The following MVB12B variants were observed in gnomAD, a reference collection of about 807,000 sequenced individuals.
The protein encoded by MVB12B is ESCRT-I complex subunit MVB12B.
A neutral mutation model predicts 41.6 loss-of-function variants in MVB12B; 16 were observed. The ratio of observed to expected loss-of-function variants is 0.38; its 90% CI spans 0.26 to 0.58. The LOEUF is 0.58. MVB12B is among the 20% of genes least tolerant of loss of function. The pLI, the probability that MVB12B is intolerant of heterozygous loss-of-function variation, is 0.62. For synonymous variants in MVB12B, 133 were observed against 139.7 expected (o/e 0.95, Z 0.34); for missense variants, 274 against 380.2 (o/e 0.72, Z 2.32).
chr9:126,374,386 G>C (rs1830423312), intron 2 of MVB12B, among the ~76,000 whole-genome samples: 1 of 152,228 alleles, frequency 6.6e-6, no homozygotes. Flanking sequence ...ATGCCTTACA[G>C]GCCAGCCTCA....
rs1481826659 is a variant in MVB12B, at chr9:126,386,207, C to T, written c.313-355C>T. ...CTCAGGAATTTGCTCTTCCTAAAACCTCCTGGCCTTGAGATCTGATGCTCA... is the reference window on the plus strand; with the variant it reads ...CTCAGGAATTTGCTCTTCCTAAAACTTCCTGGCCTTGAGATCTGATGCTCA... On this transcript the variant is annotated intron_variant, in intron 3 of 9. Transcript: ENST00000361171. The surrounding 1 kb of genome is among the most constrained non-coding windows in gnomAD (Gnocchi z 4.3). Among the ~76,000 whole-genome samples the T allele has an allele frequency of 2.0e-5, 3 of 152,154 alleles. No homozygotes were observed. Among genetic ancestry groups the T allele is most frequent in the Non-Finnish European group, 4.4e-5 (3 of 68,024 alleles).
chr9:126,446,431 G>A (rs1832768042), intron 7 of MVB12B, among the ~76,000 whole-genome samples: 4 of 146,906 alleles, frequency 2.7e-5, no homozygotes, highest in Admixed American at 7.0e-5. Flanking sequence ...TGTAATTTTT[G>A]TGTGATCTAA....
intron 6 of MVB12B, among the ~76,000 whole-genome samples, chr9:126,411,550 G>T (rs978814789): frequency 6.6e-6 from 1 of 152,180 alleles, no homozygotes; most frequent in Non-Finnish European, 1.5e-5. Flanking sequence ...GGCATAGAAG[G>T]TTTATAAGAT....
intron 2 of MVB12B, among the ~76,000 whole-genome samples, chr9:126,361,370 G>T (rs1017050887): frequency 5.9e-5 from 9 of 152,018 alleles, no homozygotes; most frequent in African/African-American, 2.2e-4. Context: ...TTGTGCTATT[G>T]TTGGCATACA....
intron 7 of MVB12B, among the ~76,000 whole-genome samples, chr9:126,458,853 G>T (rs549128110): frequency 1.3e-5 from 2 of 152,330 alleles, no homozygotes; most frequent in East Asian, 3.9e-4. Flanking sequence ...GTGTTCCTTA[G>T]CTTCAAAATA....
intron 6 of MVB12B, among the ~76,000 whole-genome samples, chr9:126,418,652 A>C (rs1032841669): frequency 5.9e-5 from 9 of 152,200 alleles, no homozygotes; most frequent in African/African-American, 1.2e-4. Flanking sequence ...GCTGGGCTCC[A>C]CGTGGCCTGG....
chr9:126,425,981 T>C (rs1832166099), intron 7 of MVB12B, among the ~76,000 whole-genome samples: 1 of 152,244 alleles, frequency 6.6e-6, no homozygotes, highest in Non-Finnish European at 1.5e-5. Context: ...TATTTTTAAA[T>C]AGTTGGACAA....
chr9:126,401,512 C>A (rs1419356080), intron 6 of MVB12B, among the ~76,000 whole-genome samples: 39 of 152,246 alleles, frequency 2.6e-4, no homozygotes. Context: ...CTCAGGGACA[C>A]CAGGATTCAG....
intron 9 of MVB12B, among the ~76,000 whole-genome samples, chr9:126,487,571 C>T (rs1490470531): frequency 6.6e-6 from 1 of 152,136 alleles, no homozygotes; most frequent in Non-Finnish European, 1.5e-5. Context: ...ACCAGCCTGG[C>T]CAACATGGTA....
chr9:126,372,845 G>T (rs1404236804), intron 2 of MVB12B, among the ~76,000 whole-genome samples: 3 of 152,164 alleles, frequency 2.0e-5, no homozygotes, highest in African/African-American at 7.2e-5. Flanking sequence ...TTTCAGCCAG[G>T]CCCTAAATAA....
chr9:126,472,856 G>A (rs984840084), intron 7 of MVB12B, among the ~76,000 whole-genome samples: 1 of 152,168 alleles, frequency 6.6e-6, no homozygotes, highest in East Asian at 1.9e-4. Flanking sequence ...CGTTTGTTTA[G>A]GAGAATGCTA....
At chr9:126,408,698 C>A (rs1831522925) in intron 6 of MVB12B, among the ~76,000 whole-genome samples, 1 of 152,028 alleles carries the variant, frequency 6.6e-6, no homozygotes, top group South Asian at 2.1e-4. Context: ...GTGCACTCAG[C>A]CCTTGGCCGT....
chr9:126,432,287 C>T (rs892903985), intron 7 of MVB12B, among the ~76,000 whole-genome samples: 8 of 152,194 alleles, frequency 5.3e-5, no homozygotes, highest in African/African-American at 1.9e-4. Flanking sequence ...AAGGGAACCC[C>T]CTTGAGCCCA....
intron 1 of MVB12B, among the ~76,000 whole-genome samples, chr9:126,339,430 A>C (rs1446644704): frequency 2.0e-5 from 3 of 152,122 alleles, no homozygotes; most frequent in Non-Finnish European, 4.4e-5. Context: ...TTGTCCTTTT[A>C]AAAGTACTTA....
chr9:126,460,647 G>C (rs1833070520), intron 7 of MVB12B, among the ~76,000 whole-genome samples: 1 of 152,084 alleles, frequency 6.6e-6, no homozygotes, highest in South Asian at 2.1e-4. Flanking sequence ...AGGGCCAAAG[G>C]GTGGATTTAG....
At chr9:126,435,239 A>G (rs1453951921) in intron 7 of MVB12B, among the ~76,000 whole-genome samples, 1 of 152,190 alleles carries the variant, frequency 6.6e-6, no homozygotes, top group African/African-American at 2.4e-5. Flanking sequence ...ATTGCTGCTT[A>G]TTATACCAGA....
chr9:126,330,629 AT>A lies in MVB12B; in HGVS notation c.81+3621del, dbSNP rs1454159483. On this transcript the variant is annotated intron_variant, in intron 1 of 9. Coordinates refer to ENST00000361171, the MANE Select transcript of MVB12B (RefSeq NM_033446.3). Reference sequence around the variant, plus strand: ...AAGTGTTAAATACACGTAACATAAAATTGACCATCCTACTCATCTTTAAGTG... The same window carrying A: ...AAGTGTTAAATACACGTAACATAAAATGACCATCCTACTCATCTTTAAGTG... 2.0e-5 allele frequency among the ~76,000 whole-genome samples: 3 copies of A among 152,300 alleles called. No individual in the cohort carries two copies. The East Asian group carries it at 5.8e-4, about 29-fold the overall frequency.
intron 6 of MVB12B, among the ~76,000 whole-genome samples, chr9:126,403,680 T>C (rs1831331650): frequency 6.6e-6 from 1 of 152,228 alleles, no homozygotes; most frequent in African/African-American, 2.4e-5. Flanking sequence ...CTTTCAACCA[T>C]GTCATCTCAT....
rs1445466594 is a variant in MVB12B at position 126,486,108 on chromosome 9, G to C, written c.873+2076G>C. Among the ~76,000 whole-genome samples, 1 of 151,878 alleles carries C rather than the reference G, an allele frequency of 6.6e-6. No homozygotes were observed. The highest frequency in any genetic ancestry group is 1.5e-5 in the Non-Finnish European group (1 of 67,964). On this transcript the variant is annotated intron_variant, in intron 9 of 9. Coordinates refer to ENST00000361171, the MANE Select transcript of MVB12B (RefSeq NM_033446.3). The surrounding 1 kb of genome is among the most constrained non-coding windows in gnomAD (Gnocchi z 4.7). ...TCTAAACCTGTCATAGCAAAAACAA[G>C]ACAAAAAAGTCCCCCTTTGTCTTTG...
Sources: allele counts gnomAD v4.1 joint callset (sites outside exome capture counted in the v4.1 genomes callset), GRCh38; gene constraint gnomAD v4.1.1; non-coding constraint Gnocchi (gnomAD v3.1); transcripts MANE v1.5; gene names NCBI Gene and HGNC (gene_info 2026-07-23, HGNC 2026-07-21).